Variants in CUL2 observed in about 807,000 individuals in gnomAD.
The protein encoded by CUL2 is cullin 2.
A neutral mutation model predicts 110.2 loss-of-function variants in CUL2; 22 were observed. That is an observed-to-expected ratio of 0.20 (90% CI 0.14 to 0.28). CUL2 has a LOEUF of 0.28. Among genes scored for constraint, CUL2 ranks in the 10% least tolerant of loss-of-function variants. CUL2 has a pLI of 1.00. For missense variants in CUL2, 631 were observed against 905.5 expected (o/e 0.70, Z 3.89); for synonymous variants, 279 against 293.2 (o/e 0.95, Z 0.49).
intron 2 of CUL2, among the ~76,000 whole-genome samples, chr10:35,098,294 C>G (rs868760848): frequency 6.6e-6 from 1 of 152,076 alleles, no homozygotes; most frequent in African/African-American, 2.4e-5. Context: ...AGATAACTCA[C>G]TATTTGAGAT....
intron 17 of CUL2, among the ~76,000 whole-genome samples, chr10:35,018,987 T>C (rs1471019604): frequency 6.6e-6 from 1 of 152,202 alleles, no homozygotes; most frequent in Non-Finnish European, 1.5e-5. Flanking sequence ...TTAAATTCAA[T>C]ATCCAATTCA....
intron 1 of CUL2, among the ~76,000 whole-genome samples, chr10:35,073,898 G>A (rs150838413): frequency 5.9e-5 from 9 of 152,192 alleles, no homozygotes; most frequent in African/African-American, 1.7e-4. Context: ...GGGCCACTGC[G>A]CCTGACCTGT....
chr10:35,058,962 T>G (rs1233020319), intron 4 of CUL2, among the ~76,000 whole-genome samples: 1 of 152,094 alleles, frequency 6.6e-6, no homozygotes, highest in East Asian at 1.9e-4. Context: ...GGGGAGGAAG[T>G]GACTGGAGGT....
chr10:35,096,604 C>T (rs2087303737), intron 2 of CUL2, among the ~76,000 whole-genome samples: 1 of 151,970 alleles, frequency 6.6e-6, no homozygotes, highest in Non-Finnish European at 1.5e-5. Context: ...CAGAGCCAGA[C>T]CCTATCTTTA....
At chr10:35,060,495 A>C (rs1374449844) in intron 4 of CUL2, among the ~76,000 whole-genome samples, 2 of 152,198 alleles carry the variant, frequency 1.3e-5, no homozygotes, top group East Asian at 3.8e-4. Context: ...TAAAATACTG[A>C]ATGCTAGAGT....
intron 8 of CUL2, 39 bp downstream of exon 8, chr10:35,044,527 C>A: frequency 7.5e-7 from 1 of 1,331,748 alleles, no homozygotes; most frequent in East Asian, 2.4e-5. Flanking sequence ...AGGCCAGATA[C>A]AAAATAGATA....
chr10:35,081,828 C>A (rs990259302), intron 1 of CUL2, among the ~76,000 whole-genome samples: 2 of 151,834 alleles, frequency 1.3e-5, no homozygotes. Context: ...AAGATGTGAC[C>A]GCACCACTAC....
At chr10:35,047,607 CAAA>C (rs61467648) in intron 6 of CUL2, among the ~76,000 whole-genome samples, 2 of 120,144 alleles carry the variant, frequency 1.7e-5, no homozygotes, top group African/African-American at 3.2e-5. Context: ...AAGACTGTCT[CAAA>C]AAAAAAAAAA....
At chr10:35,061,332 GC>G (rs1464814687) in intron 3 of CUL2, among the ~76,000 whole-genome samples, 1 of 151,674 alleles carries the variant, frequency 6.6e-6, no homozygotes, top group African/African-American at 2.4e-5. Context: ...AAATTAGCCA[GC>G]CGTGGTGGCA....
intron 1 of CUL2, among the ~76,000 whole-genome samples, chr10:35,072,550 A>G (rs1488647143): frequency 6.6e-6 from 1 of 151,968 alleles, no homozygotes; most frequent in Non-Finnish European, 1.5e-5. Context: ...TTGTATTTTT[A>G]GTAGAGACGG....
chr10:35,076,496 GAAGT>G lies in CUL2; in HGVS notation c.-22-5161_-22-5158del, dbSNP rs900416008. Reference sequence around the variant, plus strand: ...AGAGCAATTTAACGGGGATGAGGTGGAAGTAAGTATCAATACATCCATATGGTCA... The same window carrying G: ...AGAGCAATTTAACGGGGATGAGGTGGAAGTATCAATACATCCATATGGTCA... On this transcript the variant is annotated intron_variant, in intron 1 of 20. Coordinates refer to ENST00000374749, the MANE Select transcript of CUL2 (RefSeq NM_003591.4). Among the ~76,000 whole-genome samples the G allele has an allele frequency of 7.9e-5, 12 of 152,108 alleles. No individual in the cohort carries two copies. The East Asian group carries it at 2.1e-3, about 27-fold the overall frequency.
intron 8 of CUL2, among the ~76,000 whole-genome samples, chr10:35,040,182 A>G (rs11599898): frequency 1.3e-5 from 2 of 152,054 alleles, no homozygotes; most frequent in African/African-American, 4.8e-5. Context: ...AAAAATAAAA[A>G]ATTTGAAAGT....
At position 35,098,556 on chromosome 10, in the gene CUL2, G is replaced by C. The variant is rs190430357; in HGVS notation, c.167+2288C>G. ...ATTTCTACCAAGAAAAAAAAAATGT[G>C]TGTTACCAAGAGCAAAATATGAATT... On this transcript the variant is annotated intron_variant, in intron 2 of 5. Coordinates refer to the CUL2 transcript ENST00000685421. 3.2e-3 allele frequency among the ~76,000 whole-genome samples: 489 copies of C among 152,104 alleles called. 5 individuals carry two copies. The highest frequency in any genetic ancestry group is 5.1e-3 in the Non-Finnish European group (347 of 67,990).
intron 1 of CUL2, among the ~76,000 whole-genome samples, chr10:35,089,213 ACT>A (rs1296982209): frequency 5.3e-5 from 8 of 152,018 alleles, no homozygotes; most frequent in Admixed American, 5.2e-4. Context: ...ATCTCACGCG[ACT>A]CTTTTGGAAG....
intron 9 of CUL2, among the ~76,000 whole-genome samples, chr10:35,036,979 C>T (rs182791252): frequency 6.6e-6 from 1 of 152,148 alleles, no homozygotes; most frequent in African/African-American, 2.4e-5. Context: ...AAGCAATCTT[C>T]CTCCCTCTTA....
At chr10:35,106,658 AG>A (rs1564755208) in intron 1 of CUL2, among the ~76,000 whole-genome samples, 1 of 151,934 alleles carries the variant, frequency 6.6e-6, no homozygotes, top group Non-Finnish European at 1.5e-5. Context: ...TAAGCCACCC[AG>A]TCTATGGCAT....
At chr10:35,043,776 A>T (rs889972518) in intron 8 of CUL2, among the ~76,000 whole-genome samples, 3 of 152,138 alleles carry the variant, frequency 2.0e-5, no homozygotes, top group African/African-American at 7.2e-5. Flanking sequence ...TGATCAATTA[A>T]AATTTCTTGG....
intron 1 of CUL2, among the ~76,000 whole-genome samples, chr10:35,113,247 G>C (rs2087543616): frequency 6.9e-6 from 1 of 145,902 alleles, no homozygotes; most frequent in Admixed American, 7.0e-5. Flanking sequence ...TGTAATCCCA[G>C]CATTTTGGGA....
intron 9 of CUL2, among the ~76,000 whole-genome samples, chr10:35,035,565 T>G (rs143160816): frequency 2.6e-4 from 39 of 152,306 alleles, no homozygotes; most frequent in African/African-American, 8.4e-4. Flanking sequence ...GTACTGTATT[T>G]TGTATATTAT....
Sources: allele counts gnomAD v4.1 joint callset (sites outside exome capture counted in the v4.1 genomes callset), GRCh38; gene constraint gnomAD v4.1.1; transcripts MANE v1.5; gene names NCBI Gene and HGNC (gene_info 2026-07-23, HGNC 2026-07-21).